Variants in FYB1 observed in about 807,000 individuals in gnomAD.
The protein encoded by FYB1 is FYN-binding protein 1.
Under a neutral mutation model 94.1 loss-of-function variants are expected in FYB1, and 41 were observed. That is an observed-to-expected ratio of 0.44 (90% CI 0.34 to 0.57). FYB1 has a LOEUF of 0.57. Among genes scored for constraint, FYB1 ranks in the 20% least tolerant of loss-of-function variants. FYB1 has a pLI of 0.02. For missense variants in FYB1, 1,050 were observed against 976.8 expected (o/e 1.07, Z -1.00); for synonymous variants, 367 against 353.2 (o/e 1.04, Z -0.44).
intron 5 of FYB1, 87 bp from the exon 6 acceptor site, chr5:39,138,778 C>T: frequency 1.3e-6 from 1 of 792,648 alleles, no homozygotes; most frequent in Middle Eastern, 2.6e-4. Context: ...AAAATGAAGG[C>T]AACAATGTAA....
intron 1 of FYB1, among the ~76,000 whole-genome samples, chr5:39,251,796 C>A (rs557449766): frequency 1.3e-5 from 2 of 152,098 alleles, no homozygotes; most frequent in South Asian, 4.2e-4. Flanking sequence ...GACACTAGTT[C>A]TATTGGGTAA....
intron 5 of FYB1, chr5:39,139,002 A>T (rs1741908856): frequency 1.8e-6 from 1 of 547,966 alleles, no homozygotes; most frequent in East Asian, 3.2e-5. Flanking sequence ...TATAAATCAG[A>T]CGTGTAGTCA....
At chr5:39,163,561 C>T (rs978616266) in intron 2 of FYB1, among the ~76,000 whole-genome samples, 10 of 152,162 alleles carry the variant, frequency 6.6e-5, no homozygotes, top group African/African-American at 2.4e-4. Context: ...TAAAAATTCA[C>T]CTCCCCAATA....
rs1760345710 is a variant in FYB1 at position 39,105,849 on chromosome 5, C to T, written c.*1594G>A. ...GGAGGGAATCTTTGGAGATTAGTGG[C>T]ATCTAATCTTGGGGCCTCAGACACC... On this transcript the variant is annotated 3_prime_UTR_variant, in exon 19 of 19. Transcript: ENST00000512982. 2.0e-5 allele frequency: 3 copies of T among 152,064 alleles called. No individual in the cohort carries two copies. Among genetic ancestry groups the T allele is most frequent in the African/African-American group, 7.2e-5 (3 of 41,414 alleles). 9.4% of individuals were successfully genotyped at this position (152,064 alleles called of 1,614,324 possible).
intron 3 of FYB1, among the ~76,000 whole-genome samples, chr5:39,141,980 A>T (rs926974154): frequency 6.6e-6 from 1 of 152,028 alleles, no homozygotes; most frequent in African/African-American, 2.4e-5. Flanking sequence ...AAGGTGCTTC[A>T]TTCCAATGGC....
At chr5:39,132,206 G>T (rs1343803404) in intron 9 of FYB1, among the ~76,000 whole-genome samples, 1 of 152,182 alleles carries the variant, frequency 6.6e-6, no homozygotes, top group South Asian at 2.1e-4. Context: ...AATCAGGAAA[G>T]AGCTGGTAGA....
At chr5:39,246,595 C>T (rs1325369697) in intron 1 of FYB1, among the ~76,000 whole-genome samples, 1 of 152,164 alleles carries the variant, frequency 6.6e-6, no homozygotes, top group Non-Finnish European at 1.5e-5. Context: ...GGTTCCCTCT[C>T]TTATGTCTCA....
intron 10 of FYB1, among the ~76,000 whole-genome samples, chr5:39,130,316 T>C (rs1741078080): frequency 6.6e-6 from 1 of 152,032 alleles, no homozygotes. Flanking sequence ...AGCATACAGT[T>C]AGATAGAAGG....
rs572875620 is a variant in FYB1 at position 39,168,517 on chromosome 5, G to T, written c.1136-14913C>A. ...CAAAGACCTTGGGTTGATCTATACT[G>T]CCCTAATTGCCACAGTTAGGTTATC... On this transcript the variant is annotated intron_variant, in intron 2 of 18. Transcript: ENST00000512982. Among the ~76,000 whole-genome samples, 4 of 152,200 alleles carry T rather than the reference G, an allele frequency of 2.6e-5. No homozygotes were observed. In the South Asian group the frequency reaches 6.2e-4, roughly 24 times the overall value.
At chr5:39,266,636 G>A (rs1229074533) in intron 1 of FYB1, among the ~76,000 whole-genome samples, 2 of 152,162 alleles carry the variant, frequency 1.3e-5, no homozygotes, top group Non-Finnish European at 2.9e-5. Context: ...ATTGGTCACA[G>A]TGGTGACACA....
chr5:39,214,389 T>C (rs1749677885), intron 1 of FYB1, among the ~76,000 whole-genome samples: 1 of 152,196 alleles, frequency 6.6e-6, no homozygotes, highest in Non-Finnish European at 1.5e-5. Flanking sequence ...CCACTTCTGG[T>C]GTATACCCAA....
intron 1 of FYB1, among the ~76,000 whole-genome samples, chr5:39,259,894 G>A (rs1379570471): frequency 2.0e-5 from 3 of 152,130 alleles, no homozygotes; most frequent in Admixed American, 6.5e-5. Flanking sequence ...AACTTTCCTG[G>A]TCTGTCTGGA....
chr5:39,131,863 C>T (rs552149428), intron 9 of FYB1, among the ~76,000 whole-genome samples: 1 of 152,214 alleles, frequency 6.6e-6, no homozygotes, highest in Admixed American at 6.5e-5. Context: ...TGTTTTATTT[C>T]ATGTCTAGAG....
intron 1 of FYB1, among the ~76,000 whole-genome samples, chr5:39,258,307 G>A (rs1752054406): frequency 6.6e-6 from 1 of 152,122 alleles, no homozygotes; most frequent in Non-Finnish European, 1.5e-5. Context: ...AGAAACGAAA[G>A]ATATGAAGCT....
chr5:39,212,857 T>C (rs1020793182), intron 1 of FYB1: 2 of 152,202 alleles, frequency 1.3e-5, no homozygotes, highest in African/African-American at 4.8e-5. Flanking sequence ...GGCTCTCACT[T>C]GTCCATTCAT....
At chr5:39,145,149 T>C (rs1742533702) in intron 3 of FYB1, among the ~76,000 whole-genome samples, 1 of 152,222 alleles carries the variant, frequency 6.6e-6, no homozygotes, top group African/African-American at 2.4e-5. Flanking sequence ...TCCTGCCTTT[T>C]ATATGCTTAA....
At chr5:39,182,630 T>C (rs1261089080) in intron 2 of FYB1, among the ~76,000 whole-genome samples, 4 of 152,174 alleles carry the variant, frequency 2.6e-5, no homozygotes, top group Admixed American at 2.0e-4. Context: ...TAGTTCATCA[T>C]AGAACCAATA....
chr5:39,138,237 A>G (rs558661859), intron 6 of FYB1: 39 of 170,408 alleles, frequency 2.3e-4, no homozygotes, highest in African/African-American at 8.8e-4. Context: ...TTTGTTTAAC[A>G]TCTTTCCACT....
intron 2 of FYB1, among the ~76,000 whole-genome samples, chr5:39,164,983 G>A (rs1461406706): frequency 6.6e-6 from 1 of 152,212 alleles, no homozygotes; most frequent in African/African-American, 2.4e-5. Flanking sequence ...TTCTTAGCGT[G>A]ACTCAAAGGG....
Sources: allele counts gnomAD v4.1 joint callset (sites outside exome capture counted in the v4.1 genomes callset), GRCh38; gene constraint gnomAD v4.1.1; transcripts MANE v1.5; gene names NCBI Gene and HGNC (gene_info 2026-07-23, HGNC 2026-07-21).